COL23A1: variants seen among roughly 807,000 people sequenced by gnomAD.
The protein encoded by COL23A1 is collagen type XXIII alpha 1 chain, also known as collagen alpha-1(XXIII) chain.
A neutral mutation model predicts 99.3 loss-of-function variants in COL23A1; 97 were observed. That is an observed-to-expected ratio of 0.98 (90% CI 0.83 to 1.16). The LOEUF (loss-of-function observed/expected upper bound fraction) is 1.16, where lower values mean the gene tolerates loss of function less well. Among genes scored for constraint, COL23A1 ranks in the 50% most tolerant of loss-of-function variants. The probability of loss-of-function intolerance (pLI) is 0.00; values close to 1 mark genes in which losing one functional copy is unlikely to be tolerated. For synonymous variants in COL23A1, 320 were observed against 308.2 expected (o/e 1.04, Z -0.40); for missense variants, 762 against 757.4 (o/e 1.01, Z -0.07).
Position 178,434,384 on chromosome 5 carries a change from C to T in COL23A1, c.361+126298G>A, listed in dbSNP as rs1766435231. On this transcript the variant is annotated intron_variant, in intron 2 of 28. Coordinates refer to ENST00000390654, the MANE Select transcript of COL23A1 (RefSeq NM_173465.4). The surrounding 1 kb of genome is among the most constrained non-coding windows in gnomAD (Gnocchi z 4.3). Reference sequence around the variant, plus strand: ...CACATGGTCCCACCAGGACAGCGCCCCTGCAGCACGGTGGCCTCGGGCAAA... The same window carrying T: ...CACATGGTCCCACCAGGACAGCGCCTCTGCAGCACGGTGGCCTCGGGCAAA... Among the ~76,000 whole-genome samples, 1 of 152,262 alleles carries T rather than the reference C, an allele frequency of 6.6e-6. No homozygotes were observed. Among genetic ancestry groups the T allele is most frequent in the Non-Finnish European group, 1.5e-5 (1 of 68,042 alleles).
chr5:178,450,400 C>T (rs1767420564), intron 2 of COL23A1, among the ~76,000 whole-genome samples: 1 of 152,210 alleles, frequency 6.6e-6, no homozygotes, highest in Non-Finnish European at 1.5e-5. Flanking sequence ...CCACCCCGCC[C>T]TTTCCTTTCT....
chr5:178,370,546 A>G (rs1281109066), intron 2 of COL23A1, among the ~76,000 whole-genome samples: 1 of 152,146 alleles, frequency 6.6e-6, no homozygotes, highest in Non-Finnish European at 1.5e-5. Flanking sequence ...ATAGAGTTTC[A>G]TTAGACAGGG....
In COL23A1 at chr5:178,434,879, CA is replaced by C. The variant is rs1223934199; in HGVS notation, c.361+125802del. Among the ~76,000 whole-genome samples, 5 of 152,238 alleles carry C rather than the reference CA, an allele frequency of 3.3e-5. No individual in the cohort carries two copies. The East Asian group carries it at 7.7e-4, about 23-fold the overall frequency. ...TGCCCGCTGCAGGAAGGCAGGCATCCACTTCTGAACCCTCGGTCTCAGCCCT... is the reference window on the plus strand; with the variant it reads ...TGCCCGCTGCAGGAAGGCAGGCATCCCTTCTGAACCCTCGGTCTCAGCCCT... On this transcript the variant is annotated intron_variant, in intron 2 of 28. Transcript: ENST00000390654. This position sits in a 1 kb window ranked among gnomAD's most constrained non-coding sequence, Gnocchi z 4.3.
intron 2 of COL23A1, among the ~76,000 whole-genome samples, chr5:178,508,675 G>A (rs1302254425): frequency 1.3e-5 from 2 of 152,098 alleles, no homozygotes; most frequent in Admixed American, 6.5e-5. Flanking sequence ...CATCGTGGCC[G>A]GGAGAGGCCA....
chr5:178,256,498 C>T, intron 14 of COL23A1, 101 bp from the exon 15 acceptor site: 2 of 1,170,376 alleles, frequency 1.7e-6, no homozygotes, highest in African/African-American at 1.5e-5. Flanking sequence ...GGGCCCAGGG[C>T]CCGAGTGCTG....
chr5:178,532,682 C>T (rs1185946647), intron 2 of COL23A1, among the ~76,000 whole-genome samples: 1 of 152,120 alleles, frequency 6.6e-6, no homozygotes, highest in African/African-American at 2.4e-5. Flanking sequence ...ACGTGTTGAA[C>T]CCCTAATCCC....
At position 178,542,402 on chromosome 5, in the gene COL23A1, T is replaced by C. The variant is rs144946210; in HGVS notation, c.361+18280A>G. 2.9e-3 allele frequency among the ~76,000 whole-genome samples: 438 copies of C among 152,290 alleles called. 6 individuals are homozygous for C. The East Asian group carries it at 0.032, about 11-fold the overall frequency. ...ACATCAGAGGTACTGATAAGTTTATTAAAGTGACAAAAGCTATAATGGGTG... is the reference window on the plus strand; with the variant it reads ...ACATCAGAGGTACTGATAAGTTTATCAAAGTGACAAAAGCTATAATGGGTG... On this transcript the variant is annotated intron_variant, in intron 2 of 28. Coordinates refer to ENST00000390654, the MANE Select transcript of COL23A1 (RefSeq NM_173465.4).
At chr5:178,412,088 A>G (rs1340257298) in intron 2 of COL23A1, among the ~76,000 whole-genome samples, 1 of 152,236 alleles carries the variant, frequency 6.6e-6, no homozygotes, top group Non-Finnish European at 1.5e-5. Context: ...CATTGTATAT[A>G]ATGGTAAAAA....
In COL23A1 at chr5:178,481,169, CT is replaced by C. The variant is rs374332585; in HGVS notation, c.361+79512del. On this transcript the variant is annotated intron_variant, in intron 2 of 28. Coordinates refer to ENST00000390654, the MANE Select transcript of COL23A1 (RefSeq NM_173465.4). The stretch of plus-strand genomic sequence containing the variant: ...AAAAAAAGAAAGAAAGAAAATGTGA[CT>C]TACAAGCTTTCCCTCAGAGTTGTGA... Among the ~76,000 whole-genome samples, 60 of 145,646 alleles carry C rather than the reference CT, an allele frequency of 4.1e-4. No individual in the cohort carries two copies. In the East Asian group the frequency reaches 9.5e-3, roughly 23 times the overall value.
At chr5:178,487,727 G>GT (rs1757712901) in intron 2 of COL23A1, among the ~76,000 whole-genome samples, 1 of 152,160 alleles carries the variant, frequency 6.6e-6, no homozygotes, top group Non-Finnish European at 1.5e-5. Context: ...AGAAACTTCA[G>GT]TTTAGCTGCT....
rs113011523 is a variant in COL23A1, at chr5:178,433,669, T to G, written c.362-126750A>C. ...ACAAAGACACTCCTATCACTCTGAA[T>G]AGTCCAAGGATTTTAGAGTTCTGTG... On this transcript the variant is annotated intron_variant, in intron 2 of 28. Coordinates refer to ENST00000390654, the MANE Select transcript of COL23A1 (RefSeq NM_173465.4). Among the ~76,000 whole-genome samples the G allele has an allele frequency of 1.0e-3, 152 of 152,336 alleles. 1 individual carries two copies. Among genetic ancestry groups the G allele is most frequent in the African/African-American group, 3.6e-3 (148 of 41,574 alleles).
chr5:178,517,563 T>TG lies in COL23A1; in HGVS notation c.361+43118_361+43119insC, dbSNP rs1172917557. Among the ~76,000 whole-genome samples the TG allele has an allele frequency of 1.1e-4, 12 of 113,878 alleles. 1 individual carries two copies. The highest frequency in any genetic ancestry group is 1.7e-4 in the African/African-American group (5 of 29,608). The allele number at this position is 113,878 out of a possible 152,430, so 74.7% of individuals were successfully genotyped here. ...CAGACTCTCGGTGACAGCAGTTTTTTTTTTGTTTTTTTTTTTGAGATGGAG... is the reference window on the plus strand; with the variant it reads ...CAGACTCTCGGTGACAGCAGTTTTTTGTTTTGTTTTTTTTTTTGAGATGGAG... On this transcript the variant is annotated intron_variant, in intron 2 of 28. Coordinates refer to ENST00000390654, the MANE Select transcript of COL23A1 (RefSeq NM_173465.4).
chr5:178,343,385 A>G (rs1760778055), intron 2 of COL23A1, among the ~76,000 whole-genome samples: 2 of 152,266 alleles, frequency 1.3e-5, no homozygotes, highest in Non-Finnish European at 2.9e-5. Context: ...TTATAAAAAG[A>G]AAGGATTAAC....
chr5:178,508,813 G>T (rs1351212403), intron 2 of COL23A1, among the ~76,000 whole-genome samples: 1 of 152,186 alleles, frequency 6.6e-6, no homozygotes, highest in Non-Finnish European at 1.5e-5. Flanking sequence ...TTGTTGTGAG[G>T]TCACCACTGT....
intron 2 of COL23A1, among the ~76,000 whole-genome samples, chr5:178,382,738 C>T (rs71611432): frequency 0.063 from 9,537 of 152,288 alleles, 356 homozygotes; most frequent in African/African-American, 0.086. Context: ...GCCCAGGACT[C>T]GGGGGCACTG....
rs190985551 is a variant in COL23A1, at chr5:178,509,645, C to T, written c.361+51037G>A. On this transcript the variant is annotated intron_variant, in intron 2 of 28. Coordinates refer to ENST00000390654, the MANE Select transcript of COL23A1 (RefSeq NM_173465.4). ...TAATGATCGTGGGCTTTCCCACCTC[C>T]GCACCACTGCCAAAACACACTGACC... Among the ~76,000 whole-genome samples, 812 of 152,254 alleles carry T rather than the reference C, an allele frequency of 5.3e-3. 5 individuals carry two copies. Among genetic ancestry groups the T allele is most frequent in the Non-Finnish European group, 8.9e-3 (604 of 68,024 alleles).
At chr5:178,328,134 C>T (rs370752872) in intron 2 of COL23A1, among the ~76,000 whole-genome samples, 10 of 152,150 alleles carry the variant, frequency 6.6e-5, no homozygotes, top group Admixed American at 2.6e-4. Flanking sequence ...GAGGGCAGGG[C>T]GGCCCCTCTG....
At chr5:178,417,889 A>C (rs1173295751) in intron 2 of COL23A1, among the ~76,000 whole-genome samples, 1 of 152,266 alleles carries the variant, frequency 6.6e-6, no homozygotes, top group African/African-American at 2.4e-5. Context: ...TTTTTCTGTC[A>C]AGTTCAATTA....
chr5:178,382,877 C>G (rs1763458772), intron 2 of COL23A1, among the ~76,000 whole-genome samples: 1 of 152,170 alleles, frequency 6.6e-6, no homozygotes, highest in Non-Finnish European at 1.5e-5. Context: ...AGGCCTGGCT[C>G]CTCGGCTGGC....
Sources: gnomAD v4.1 joint callset for allele counts (sites outside exome capture counted in the v4.1 genomes callset) on GRCh38, gnomAD v4.1.1 for gene constraint, Gnocchi (gnomAD v3.1) non-coding constraint, MANE v1.5 for transcripts, NCBI Gene and HGNC (gene_info 2026-07-23, HGNC 2026-07-21) for gene names.